The following KCNH5 variants were observed in gnomAD, a reference collection of about 807,000 sequenced individuals.
KCNH5 encodes potassium voltage-gated channel subfamily H member 5, also known as voltage-gated delayed rectifier potassium channel KCNH5.
KCNH5 carries 46 observed loss-of-function variants against 96.1 expected under a neutral mutation model. The observed-to-expected ratio is 0.48, with a 90% CI of 0.38 to 0.61. The LOEUF is 0.61. KCNH5 is among the 20% of genes least tolerant of loss of function. The pLI, the probability that KCNH5 is intolerant of heterozygous loss-of-function variation, is 0.00. For missense variants in KCNH5, 907 were observed against 1,225.8 expected (o/e 0.74, Z 3.88); for synonymous variants, 439 against 449.8 (o/e 0.98, Z 0.30).
At chr14:62,710,878 G>C (rs1884552454) in intron 10 of KCNH5, among the ~76,000 whole-genome samples, 1 of 152,120 alleles carries the variant, frequency 6.6e-6, no homozygotes, top group African/African-American at 2.4e-5. Context: ...AATATTCTTT[G>C]TTTATTCAAA....
At chr14:63,011,721 G>T (rs1395213471) in intron 2 of KCNH5, among the ~76,000 whole-genome samples, 1 of 152,084 alleles carries the variant, frequency 6.6e-6, no homozygotes, top group African/African-American at 2.4e-5. Context: ...AGACACCTCT[G>T]CCCTTCAACA....
intron 7 of KCNH5, among the ~76,000 whole-genome samples, chr14:62,870,817 T>C (rs1316503477): frequency 2.0e-5 from 3 of 152,226 alleles, no homozygotes; most frequent in East Asian, 1.9e-4. Context: ...TCTATTATCA[T>C]TTCTACTTTA....
chr14:62,814,790 A>G (rs1352884796), intron 8 of KCNH5, among the ~76,000 whole-genome samples: 1 of 131,920 alleles, frequency 7.6e-6, no homozygotes, highest in African/African-American at 2.6e-5. Context: ...CTCAAAAAAA[A>G]AAAAAAAAAA....
At chr14:62,777,790 C>G (rs1886128153) in intron 10 of KCNH5, among the ~76,000 whole-genome samples, 1 of 152,100 alleles carries the variant, frequency 6.6e-6, no homozygotes, top group African/African-American at 2.4e-5. Flanking sequence ...GTCTTCTTAT[C>G]AGAAGACTGA....
At chr14:62,835,781 T>C (rs556590101) in intron 8 of KCNH5, among the ~76,000 whole-genome samples, 9 of 152,068 alleles carry the variant, frequency 5.9e-5, no homozygotes, top group African/African-American at 2.2e-4. Context: ...AAACAAAAAT[T>C]AGACTGAAGG....
At chr14:62,874,216 G>T (rs936082991) in intron 7 of KCNH5, among the ~76,000 whole-genome samples, 1 of 151,954 alleles carries the variant, frequency 6.6e-6, no homozygotes, top group Non-Finnish European at 1.5e-5. Context: ...AGCATCTTGT[G>T]TATAAACGTG....
chr14:62,853,458 T>TATATATATATATATATATATATATATATC (rs1555360130), intron 7 of KCNH5, among the ~76,000 whole-genome samples: 2,775 of 43,020 alleles, frequency 0.065, 79 homozygotes, highest in Non-Finnish European at 0.096. Context: ...AGAATAATCA[T>TATATATATATATATATATATATATATATC]ATATATATAT....
chr14:62,788,834 T>C (rs780287338), intron 9 of KCNH5, among the ~76,000 whole-genome samples: 25 of 152,104 alleles, frequency 1.6e-4, no homozygotes, highest in Non-Finnish European at 2.9e-4. Context: ...CTAGACATAA[T>C]GTTATTGCAC....
chr14:62,956,710 C>T (rs1890111303), intron 6 of KCNH5, among the ~76,000 whole-genome samples: 1 of 151,942 alleles, frequency 6.6e-6, no homozygotes, highest in Admixed American at 6.6e-5. Flanking sequence ...CTCTCATAAC[C>T]TTTAGATTGG....
At chr14:62,998,846 G>A (rs1890958427) in intron 4 of KCNH5, among the ~76,000 whole-genome samples, 1 of 151,958 alleles carries the variant, frequency 6.6e-6, no homozygotes, top group Non-Finnish European at 1.5e-5. Flanking sequence ...ATTTATTAAG[G>A]TAGTTTTATG....
At chr14:62,908,533 G>A (rs1889074653) in intron 7 of KCNH5, among the ~76,000 whole-genome samples, 1 of 152,038 alleles carries the variant, frequency 6.6e-6, no homozygotes. Flanking sequence ...TCAAATTCAG[G>A]GAAACTATTA....
chr14:62,825,161 T>G (rs940829520), intron 8 of KCNH5, among the ~76,000 whole-genome samples: 5 of 152,120 alleles, frequency 3.3e-5, no homozygotes, highest in South Asian at 2.1e-4. Context: ...AGTTCTGTTT[T>G]AAGTCCTTTG....
Position 62,886,170 on chromosome 14 carries a change from C to T in KCNH5, c.1370-36318G>A, listed in dbSNP as rs1888593605. On this transcript the variant is annotated intron_variant, in intron 7 of 10. Coordinates refer to ENST00000322893, the MANE Select transcript of KCNH5 (RefSeq NM_139318.5). ...CACACACACACACACAAGAATATCA[C>T]TCTCTGAGCATCTTCAGGCTGCAAC... 2.0e-5 allele frequency among the ~76,000 whole-genome samples: 3 copies of T among 148,522 alleles called. No homozygotes were observed. In the Admixed American group the frequency reaches 2.0e-4, roughly 10 times the overall value.
intron 7 of KCNH5, among the ~76,000 whole-genome samples, chr14:62,903,457 A>T (rs567732120): frequency 6.6e-6 from 1 of 152,230 alleles, no homozygotes; most frequent in East Asian, 1.9e-4. Flanking sequence ...ATTGGAAAAA[A>T]ATATGAGAAC....
At chr14:62,727,451 T>C (rs1301903681) in intron 10 of KCNH5, among the ~76,000 whole-genome samples, 1 of 152,200 alleles carries the variant, frequency 6.6e-6, no homozygotes, top group Non-Finnish European at 1.5e-5. Flanking sequence ...TTCTGACATG[T>C]TTCCTGTTCT....
At chr14:62,985,703 G>A (rs1012018111) in intron 5 of KCNH5, among the ~76,000 whole-genome samples, 17 of 151,950 alleles carry the variant, frequency 1.1e-4, no homozygotes, top group East Asian at 9.7e-4. Flanking sequence ...GGGTAACATC[G>A]TCTAGTCACA....
At chr14:62,807,205 T>C (rs74704114) in intron 8 of KCNH5, among the ~76,000 whole-genome samples, 4,840 of 152,192 alleles carry the variant, frequency 0.032, 150 homozygotes, top group South Asian at 0.083. Context: ...TGGATTAGAC[T>C]CTGTCAAAGA....
At chr14:63,001,480 G>C (rs747132961) in intron 3 of KCNH5, 21 bp from the exon 4 acceptor site, 8 of 1,603,192 alleles carry the variant, frequency 5.0e-6, no homozygotes, top group Non-Finnish European at 6.8e-6. Flanking sequence ...AAGAAGTTGG[G>C]GAAAGGACAT....
chr14:62,736,845 T>TA lies in KCNH5; in HGVS notation c.2020-28391dup, dbSNP rs558220829. Among the ~76,000 whole-genome samples the TA allele has an allele frequency of 5.3e-5, 8 of 152,286 alleles. No homozygotes were observed. In the East Asian group the frequency reaches 1.2e-3, roughly 22 times the overall value. On this transcript the variant is annotated intron_variant, in intron 10 of 10. Transcript: ENST00000322893. ...GTTTCTTTTCTCTTTCTTTAACTCT[T>TA]ACGCTTACAGTGAATTCCAAGACTA...
Sources: gnomAD v4.1 joint callset for allele counts (sites outside exome capture counted in the v4.1 genomes callset) on GRCh38, gnomAD v4.1.1 for gene constraint, MANE v1.5 for transcripts, NCBI Gene and HGNC (gene_info 2026-07-23, HGNC 2026-07-21) for gene names.